ZNF804B: variants seen among roughly 807,000 people sequenced by gnomAD.
ZNF804B encodes zinc finger 804B.
Under a neutral mutation model 101.4 loss-of-function variants are expected in ZNF804B, and 80 were observed. That is an observed-to-expected ratio of 0.79 (90% CI 0.66 to 0.95). The LOEUF (loss-of-function observed/expected upper bound fraction) is 0.95. Ranked by LOEUF, ZNF804B falls within the 40% of genes least tolerant of loss-of-function variation. The probability of loss-of-function intolerance (pLI) is 0.00; values close to 1 mark genes in which losing one functional copy is unlikely to be tolerated. For synonymous variants in ZNF804B, 622 were observed against 558.8 expected, an observed-to-expected ratio of 1.11 and a Z score of -1.59; for missense variants, 1,673 against 1,561.9, an observed-to-expected ratio of 1.07 and a Z score of -1.20.
chr7:89,164,676 CTTAGCT>C (rs1791115227), intron 1 of ZNF804B, among the ~76,000 whole-genome samples: 1 of 152,124 alleles, frequency 6.6e-6, no homozygotes, highest in East Asian at 1.9e-4. Context: ...CAATACCAAA[CTTAGCT>C]TTATCTTTAC....
chr7:89,240,074 T>A (rs916869787), intron 2 of ZNF804B, among the ~76,000 whole-genome samples: 3 of 151,322 alleles, frequency 2.0e-5, no homozygotes, highest in Non-Finnish European at 2.9e-5. Flanking sequence ...TTGAATAAAA[T>A]GTCTTGATTT....
intron 1 of ZNF804B, among the ~76,000 whole-genome samples, chr7:88,791,560 T>G (rs1041106969): frequency 7.2e-5 from 11 of 152,068 alleles, no homozygotes; most frequent in African/African-American, 2.2e-4. Flanking sequence ...TCTATTGGTA[T>G]TCTCACACCA....
intron 2 of ZNF804B, among the ~76,000 whole-genome samples, chr7:89,235,502 CAATT>C (rs1360415120): frequency 6.6e-6 from 1 of 152,062 alleles, no homozygotes; most frequent in Non-Finnish European, 1.5e-5. Flanking sequence ...GTTTCAAACA[CAATT>C]AAGGAAACTG....
intron 2 of ZNF804B, among the ~76,000 whole-genome samples, chr7:89,224,493 T>G (rs1789051412): frequency 6.6e-6 from 1 of 152,062 alleles, no homozygotes; most frequent in Non-Finnish European, 1.5e-5. Flanking sequence ...GCAATTTGAT[T>G]TATATTTTCC....
chr7:89,269,847 C>T (rs1584094260), intron 2 of ZNF804B, among the ~76,000 whole-genome samples: 2 of 152,160 alleles, frequency 1.3e-5, no homozygotes, highest in African/African-American at 2.4e-5. Flanking sequence ...TGTCTGTTGG[C>T]TGCCTAAATG....
At position 89,334,983 on chromosome 7, in the gene ZNF804B, T is replaced by A; in HGVS notation, c.2001T>A (p.Ser667Arg). ...KSSPCTVGGH[S>R]DHGKDFSVIL... The stretch of plus-strand genomic sequence containing the variant: ...GTCCTTGTACAGTAGGGGGTCACAG[T>A]GACCATGGGAAAGACTTCAGTGTAA... The change falls in exon 4 of 4, where the codon AGT becomes AGA. Residue 667 changes from serine to arginine, a missense_variant. Ser to Arg is a moderately radical substitution (Grantham distance 110). Transcript: ENST00000333190. The A allele has an allele frequency of 6.2e-7, 1 of 1,613,900 alleles. No homozygotes were observed. The highest frequency in any genetic ancestry group is 8.5e-7 in the Non-Finnish European group (1 of 1,179,902).
At chr7:89,100,812 C>T (rs931632345) in intron 1 of ZNF804B, among the ~76,000 whole-genome samples, 4 of 151,902 alleles carry the variant, frequency 2.6e-5, no homozygotes, top group Non-Finnish European at 4.4e-5. Context: ...CCATTGTATG[C>T]CTGTAACAAA....
At chr7:88,864,801 G>T (rs1443400061) in intron 1 of ZNF804B, among the ~76,000 whole-genome samples, 1 of 152,198 alleles carries the variant, frequency 6.6e-6, no homozygotes, top group Admixed American at 6.5e-5. Context: ...GGCAGTGGCA[G>T]CTATGGTGGA....
intron 1 of ZNF804B, among the ~76,000 whole-genome samples, chr7:89,088,361 A>G (rs1359012642): frequency 1.3e-5 from 2 of 152,004 alleles, no homozygotes; most frequent in African/African-American, 4.8e-5. Flanking sequence ...TGAGAATGAG[A>G]TCTGGAACCC....
intron 2 of ZNF804B, among the ~76,000 whole-genome samples, chr7:89,324,286 T>C (rs1790865742): frequency 6.6e-6 from 1 of 151,972 alleles, no homozygotes; most frequent in African/African-American, 2.4e-5. Context: ...GAAGAAACCT[T>C]TCTTATTCCT....
chr7:89,212,273 A>ACG (rs1347500114), intron 1 of ZNF804B, among the ~76,000 whole-genome samples: 1 of 103,252 alleles, frequency 9.7e-6, no homozygotes, highest in Non-Finnish European at 2.2e-5. Context: ...ACACACACAC[A>ACG]CACACACACA....
intron 1 of ZNF804B, among the ~76,000 whole-genome samples, chr7:88,975,021 A>T (rs1043840042): frequency 6.6e-6 from 1 of 151,562 alleles, no homozygotes; most frequent in Non-Finnish European, 1.5e-5. Context: ...ATAAGTGAGA[A>T]TATGTGAAAT....
intron 2 of ZNF804B, among the ~76,000 whole-genome samples, chr7:89,274,294 G>A (rs1269160157): frequency 7.0e-5 from 9 of 127,938 alleles, no homozygotes; most frequent in East Asian, 2.2e-4. Flanking sequence ...ATATCTCCCA[G>A]TGCTATCCCT....
rs535682972 is a variant in ZNF804B, at chr7:89,056,758, A to G, written c.109-161397A>G. Among the ~76,000 whole-genome samples the G allele has an allele frequency of 7.7e-4, 117 of 152,230 alleles. 1 individual carries two copies. The South Asian group carries it at 0.018, about 24-fold the overall frequency. ...GAAATCACCACATACCTCTAAGCAG[A>G]TAGGAGTGGGGGAAACACTATAACA... On this transcript the variant is annotated intron_variant, in intron 1 of 3. Transcript: ENST00000333190.
intron 1 of ZNF804B, among the ~76,000 whole-genome samples, chr7:88,853,156 C>A (rs1257054726): frequency 6.6e-6 from 1 of 152,122 alleles, no homozygotes; most frequent in African/African-American, 2.4e-5. Flanking sequence ...AATATCCAAT[C>A]ATCTGGAGAA....
intron 1 of ZNF804B, among the ~76,000 whole-genome samples, chr7:89,020,325 G>A (rs1412074639): frequency 2.0e-5 from 3 of 151,944 alleles, no homozygotes; most frequent in Admixed American, 2.0e-4. Flanking sequence ...TAGCTTTGCT[G>A]GGTGTAGTGT....
At chr7:89,245,220 A>G (rs1028239951) in intron 2 of ZNF804B, among the ~76,000 whole-genome samples, 1 of 151,226 alleles carries the variant, frequency 6.6e-6, no homozygotes, top group Admixed American at 6.6e-5. Flanking sequence ...AAGCAAGTAA[A>G]TAAAAACTCA....
intron 1 of ZNF804B, among the ~76,000 whole-genome samples, chr7:89,125,216 G>T (rs1366953082): frequency 6.6e-6 from 1 of 151,832 alleles, no homozygotes; most frequent in African/African-American, 2.4e-5. Context: ...TAGATAAAAA[G>T]ATTTTTGAAA....
chr7:89,202,894 A>G (rs763104798), intron 1 of ZNF804B, among the ~76,000 whole-genome samples: 3 of 152,070 alleles, frequency 2.0e-5, no homozygotes, highest in African/African-American at 7.2e-5. Flanking sequence ...CTTTTTTACA[A>G]TGGGCCCACA....
Sources: gnomAD v4.1 joint callset for allele counts (sites outside exome capture counted in the v4.1 genomes callset) on GRCh38, gnomAD v4.1.1 for gene constraint, MANE v1.5 for transcripts, NCBI Gene and HGNC (gene_info 2026-07-23, HGNC 2026-07-21) for gene names.